SLC24A2: variants seen among roughly 807,000 people sequenced by gnomAD.
SLC24A2 encodes sodium/potassium/calcium exchanger 2.
SLC24A2 carries 36 observed loss-of-function variants against 62.0 expected under a neutral mutation model. That is an observed-to-expected ratio of 0.58 (90% CI 0.44 to 0.77). The LOEUF is 0.77. Ranked by LOEUF, SLC24A2 falls within the 30% of genes least tolerant of loss-of-function variation. The probability of loss-of-function intolerance (pLI) is 0.00; values close to 1 mark genes in which losing one functional copy is unlikely to be tolerated. For synonymous variants in SLC24A2, 358 were observed against 294.0 expected (o/e 1.22, Z -2.23); for missense variants, 846 against 817.9 (o/e 1.03, Z -0.42).
chr9:20,026,243 C>T, the SLC24A2 span, among the ~76,000 whole-genome samples: 1 of 152,120 alleles, frequency 6.6e-6, no homozygotes, highest in Admixed American at 6.6e-5. Flanking sequence ...TTGTAGAAAA[C>T]TGGATAGCAC....
the SLC24A2 span, among the ~76,000 whole-genome samples, chr9:20,269,451 C>A: frequency 6.6e-6 from 1 of 152,166 alleles, no homozygotes; most frequent in Non-Finnish European, 1.5e-5. Flanking sequence ...CCTTTCATTT[C>A]TCTGTTCTCA....
intron 2 of SLC24A2, among the ~76,000 whole-genome samples, chr9:19,658,931 G>A (rs1240851173): frequency 2.0e-5 from 3 of 152,134 alleles, no homozygotes; most frequent in Non-Finnish European, 2.9e-5. Flanking sequence ...CGCAACGAAC[G>A]TACACAAGTG....
intron 2 of SLC24A2, among the ~76,000 whole-genome samples, chr9:19,738,071 G>A (rs1247147119): frequency 2.6e-5 from 4 of 152,178 alleles, no homozygotes; most frequent in Non-Finnish European, 5.9e-5. Context: ...AATGCAAGAT[G>A]AGTGAGGAAA....
chr9:19,569,330 C>T (rs902340789), intron 7 of SLC24A2, among the ~76,000 whole-genome samples: 4 of 152,202 alleles, frequency 2.6e-5, no homozygotes, highest in Non-Finnish European at 5.9e-5. Flanking sequence ...GTTCTTACCT[C>T]ACCTCCCTTT....
chr9:19,923,682 G>T, the SLC24A2 span, among the ~76,000 whole-genome samples: 1 of 152,236 alleles, frequency 6.6e-6, no homozygotes, highest in Non-Finnish European at 1.5e-5. Flanking sequence ...CACCTTTGGA[G>T]AATGTGATCT....
the SLC24A2 span, among the ~76,000 whole-genome samples, chr9:20,267,317 G>T: frequency 6.6e-6 from 1 of 152,006 alleles, no homozygotes; most frequent in Admixed American, 6.6e-5. Context: ...ACTCAAATTT[G>T]TCCAGGTCTC....
intron 2 of SLC24A2, among the ~76,000 whole-genome samples, chr9:19,758,816 T>G (rs1032432910): frequency 6.6e-6 from 1 of 152,320 alleles, no homozygotes; most frequent in Non-Finnish European, 1.5e-5. Context: ...ACTTCCTGCT[T>G]ATCACTGCTG....
At chr9:19,851,025 A>ATT in the SLC24A2 span, among the ~76,000 whole-genome samples, 1 of 53,276 alleles carries the variant, frequency 1.9e-5, no homozygotes, top group African/African-American at 8.5e-5. Context: ...ATATATATAC[A>ATT]TATTTTTTTT....
upstream of SLC24A2, among the ~76,000 whole-genome samples, chr9:19,792,536 C>CAAAAAA (rs1165695410): frequency 5.6e-4 from 42 of 74,590 alleles, no homozygotes; most frequent in African/African-American, 1.9e-3. Context: ...ACTAAAAATA[C>CAAAAAA]AAAAAAAAAA....
chr9:20,279,843 G>T, the SLC24A2 span, among the ~76,000 whole-genome samples: 1 of 152,202 alleles, frequency 6.6e-6, no homozygotes. Flanking sequence ...GTCATAAGCA[G>T]GTCTCCAGGT....
the SLC24A2 span, among the ~76,000 whole-genome samples, chr9:20,032,760 C>A: frequency 2.6e-5 from 4 of 151,952 alleles, no homozygotes; most frequent in Non-Finnish European, 5.9e-5. Flanking sequence ...GAGGTGGTGG[C>A]GGGAGCTGGT....
the SLC24A2 span, among the ~76,000 whole-genome samples, chr9:20,019,788 T>G: frequency 7.3e-5 from 11 of 150,460 alleles, no homozygotes; most frequent in Non-Finnish European, 1.3e-4. Flanking sequence ...ACAGGCAACC[T>G]ACAGAATGGG....
At chr9:20,284,147 C>T in the SLC24A2 span, among the ~76,000 whole-genome samples, 1 of 152,162 alleles carries the variant, frequency 6.6e-6, no homozygotes, top group Non-Finnish European at 1.5e-5. Context: ...GGGGAGAGCC[C>T]CCTCCTGCCC....
chr9:19,611,905 C>T (rs1232047646), intron 4 of SLC24A2, among the ~76,000 whole-genome samples: 2 of 152,132 alleles, frequency 1.3e-5, no homozygotes, highest in Non-Finnish European at 2.9e-5. Context: ...AGAAGCATGA[C>T]ACTTGTGAGG....
the SLC24A2 span, among the ~76,000 whole-genome samples, chr9:20,055,054 G>C: frequency 6.6e-6 from 1 of 152,096 alleles, no homozygotes. Context: ...TAGTGAATAT[G>C]ACAAGCAAAA....
the SLC24A2 span, among the ~76,000 whole-genome samples, chr9:20,044,074 C>G: frequency 2.6e-5 from 4 of 152,076 alleles, no homozygotes; most frequent in Non-Finnish European, 5.9e-5. Context: ...CCTCTACCAG[C>G]AAAAGATTAT....
the SLC24A2 span, among the ~76,000 whole-genome samples, chr9:19,914,255 C>G: frequency 6.6e-5 from 10 of 152,214 alleles, no homozygotes; most frequent in South Asian, 2.1e-3. Context: ...GAATATCTCC[C>G]TACACAGCTC....
the SLC24A2 span, among the ~76,000 whole-genome samples, chr9:20,154,174 C>T: frequency 1.3e-5 from 2 of 151,828 alleles, no homozygotes; most frequent in African/African-American, 2.4e-5. Flanking sequence ...GGAAAACATA[C>T]ATGATTCCAC....
intron 2 of SLC24A2, among the ~76,000 whole-genome samples, chr9:19,700,481 C>G (rs2118523131): frequency 6.6e-6 from 1 of 152,150 alleles, no homozygotes; most frequent in South Asian, 2.1e-4. Context: ...TTTCCTTTCT[C>G]CACCCTTTTA....
Sources: gnomAD v4.1 joint callset for allele counts (sites outside exome capture counted in the v4.1 genomes callset) on GRCh38, gnomAD v4.1.1 for gene constraint, MANE v1.5 for transcripts, NCBI Gene and HGNC (gene_info 2026-07-23, HGNC 2026-07-21) for gene names.